PROX1: variants seen among roughly 807,000 people sequenced by gnomAD.
PROX1 encodes prospero homeobox protein 1.
A neutral mutation model predicts 58.8 loss-of-function variants in PROX1; 7 were observed. That is an observed-to-expected ratio of 0.12 (90% confidence interval 0.07 to 0.22). PROX1 has a LOEUF of 0.22. Among genes scored for constraint, PROX1 ranks in the 10% least tolerant of loss-of-function variants. The pLI, the probability that PROX1 is intolerant of heterozygous loss-of-function variation, is 1.00. For missense variants in PROX1, 675 were observed against 927.8 expected (o/e 0.73, Z 3.54); for synonymous variants, 350 against 358.3 (o/e 0.98, Z 0.26).
upstream of PROX1, chr1:213,987,949 A>G (rs1272836454): frequency 6.6e-6 from 1 of 151,308 alleles, no homozygotes; most frequent in East Asian, 2.0e-4. Context: ...CTTAAAGTAA[A>G]TCTTGTTGTG....
upstream of PROX1, chr1:213,985,362 G>T (rs1174235594): frequency 2.0e-5 from 3 of 152,344 alleles, no homozygotes; most frequent in Non-Finnish European, 4.4e-5. Context: ...AGCAAGAGAG[G>T]TTGCCAGGAG....
chr1:213,991,608 G>GA (rs961951018), intron 1 of PROX1, among the ~76,000 whole-genome samples: 16 of 151,752 alleles, frequency 1.1e-4, no homozygotes, highest in East Asian at 3.9e-4. Flanking sequence ...CACCTTGTGG[G>GA]AAAAAAAAGT....
chr1:214,015,703 C>T (rs757033503), intron 4 of PROX1, among the ~76,000 whole-genome samples: 6 of 151,936 alleles, frequency 3.9e-5, no homozygotes, highest in African/African-American at 9.7e-5. Context: ...TGTGCAGCTG[C>T]GAAAGGCAGA....
chr1:213,986,246 CG>C (rs2102670567), upstream of PROX1: 1 of 149,662 alleles, frequency 6.7e-6, no homozygotes, highest in South Asian at 2.2e-4. Flanking sequence ...GTGATAGACG[CG>C]TGGGGGGAGT....
chr1:214,013,316 T>C (rs1001655024), intron 4 of PROX1, among the ~76,000 whole-genome samples: 3 of 152,214 alleles, frequency 2.0e-5, no homozygotes, highest in Non-Finnish European at 4.4e-5. Context: ...AATATGATTA[T>C]GGCTAACCAT....
intron 2 of PROX1, among the ~76,000 whole-genome samples, chr1:214,000,822 C>T (rs1307659342): frequency 1.3e-5 from 2 of 152,110 alleles, no homozygotes; most frequent in African/African-American, 2.4e-5. Context: ...GTGTTCTTCC[C>T]TTGATTTAAC....
chr1:214,029,522 G>C (rs1290092109), intron 4 of PROX1: 1 of 152,150 alleles, frequency 6.6e-6, no homozygotes, highest in African/African-American at 2.4e-5. Flanking sequence ...AGTTTGACAA[G>C]GCAGCTCTTC....
chr1:213,990,361 G>A lies in PROX1; in HGVS notation c.-68+1878G>A, dbSNP rs550210098. Among the ~76,000 whole-genome samples, 6 of 140,186 alleles carry A rather than the reference G, an allele frequency of 4.3e-5. No individual in the cohort carries two copies. In the East Asian group the frequency reaches 1.0e-3, roughly 24 times the overall value. 92.0% of individuals were successfully genotyped at this position (140,186 alleles called of 152,430 possible). A position where few individuals can be genotyped will look rare whatever the true frequency, so the allele number is the denominator to read the frequency against. On this transcript the variant is annotated intron_variant, in intron 1 of 4. Coordinates refer to ENST00000366958, the MANE Select transcript of PROX1 (RefSeq NM_001270616.2). The stretch of plus-strand genomic sequence containing the variant: ...AGGTTTATGAATTTATGGTTGTCCT[G>A]GTTAATAGGATTGTCTGGGCTAATG...
rs1399209742 is a variant in PROX1, at chr1:213,988,266, C to CCCCTCT, written c.-275_-270dup. On this transcript the variant is annotated 5_prime_UTR_variant, in exon 1 of 5. Transcript: ENST00000366958. ...CTCCCCTCCCCTCCCGCCTCTCTCTCCCCTCTCCCTCTCCCACTCGCCCCG... is the reference window on the plus strand; with the variant it reads ...CTCCCCTCCCCTCCCGCCTCTCTCTCCCCTCTCCCTCTCCCTCTCCCACTCGCCCCG... 2 of 152,870 alleles carry CCCCTCT rather than the reference C, an allele frequency of 1.3e-5. No homozygotes were observed. The highest frequency in any genetic ancestry group is 2.4e-5 in the African/African-American group (1 of 41,356). The allele number at this position is 152,870 out of a possible 1,614,324, so 9.5% of individuals were successfully genotyped here. A position where few individuals can be genotyped will look rare whatever the true frequency, so the allele number is the denominator to read the frequency against.
chr1:214,015,237 G>A (rs1321070655), intron 4 of PROX1, among the ~76,000 whole-genome samples: 1 of 152,112 alleles, frequency 6.6e-6, no homozygotes, highest in Non-Finnish European at 1.5e-5. Context: ...TATCACACCG[G>A]GTGGGGTGTC....
intron 4 of PROX1, among the ~76,000 whole-genome samples, chr1:214,021,555 G>A (rs552372969): frequency 3.9e-5 from 6 of 152,306 alleles, no homozygotes; most frequent in Admixed American, 3.9e-4. Flanking sequence ...GCTGTAATGC[G>A]CTTCCAGCCT....
At chr1:213,995,075 A>C (rs1333084947) in intron 1 of PROX1, among the ~76,000 whole-genome samples, 1 of 152,090 alleles carries the variant, frequency 6.6e-6, no homozygotes, top group African/African-American at 2.4e-5. Context: ...AGGTGAACCG[A>C]AAGAGATGGG....
At chr1:213,989,561 G>C (rs1288358215) in intron 1 of PROX1, among the ~76,000 whole-genome samples, 1 of 151,810 alleles carries the variant, frequency 6.6e-6, no homozygotes, top group African/African-American at 2.4e-5. Context: ...AGAGGTGAGA[G>C]TAATTGTTAC....
intron 3 of PROX1, among the ~76,000 whole-genome samples, chr1:214,007,211 G>C (rs1030461349): frequency 6.6e-6 from 1 of 152,142 alleles, no homozygotes; most frequent in African/African-American, 2.4e-5. Context: ...CACTGACTCT[G>C]TGTAGATAAC....
intron 4 of PROX1, among the ~76,000 whole-genome samples, chr1:214,016,545 C>A (rs1408235224): frequency 6.6e-6 from 1 of 152,052 alleles, no homozygotes; most frequent in Admixed American, 6.5e-5. Context: ...TGGTGGGTGG[C>A]GAGGAGGAAA....
chr1:214,031,570 C>G lies in PROX1; in HGVS notation c.2029-4079C>G, dbSNP rs1035274130. ...TACCACCTGATGCTGAGGAGATACT[C>G]TAGGGTTCATTCTGCAGATTGTTGG... On this transcript the variant is annotated intron_variant, in intron 4 of 4. Transcript: ENST00000366958. Among the ~76,000 whole-genome samples the G allele has an allele frequency of 4.6e-5, 7 of 152,048 alleles. No individual in the cohort carries two copies. The East Asian group carries it at 1.2e-3, about 25-fold the overall frequency.
chr1:214,019,406 C>T (rs1229733857), intron 4 of PROX1, among the ~76,000 whole-genome samples: 1 of 152,242 alleles, frequency 6.6e-6, no homozygotes, highest in East Asian at 1.9e-4. Flanking sequence ...AAAACTCCTG[C>T]TGCCTCTTTT....
upstream of PROX1, among the ~76,000 whole-genome samples, chr1:213,983,536 C>T (rs1662750743): frequency 6.6e-6 from 1 of 152,242 alleles, no homozygotes; most frequent in Admixed American, 6.5e-5. Flanking sequence ...CACACTCACA[C>T]CCTCACCCCA....
rs548268660 is a variant in PROX1 at position 213,996,772 on chromosome 1, G to C, written c.237G>C (p.Ser79=). 5.6e-6 allele frequency: 9 copies of C among 1,614,186 alleles called. No individual in the cohort carries two copies. In the South Asian group the frequency reaches 8.8e-5, roughly 16 times the overall value. ...VLRKLLKRAN[S]YEDAMMPFPG... ...GCAAGCTGCTGAAGAGGGCGAACTCGTATGAAGATGCCATGATGCCTTTTC... is the reference window on the plus strand; with the variant it reads ...GCAAGCTGCTGAAGAGGGCGAACTCCTATGAAGATGCCATGATGCCTTTTC... Residue 79 remains serine (S), a synonymous_variant, in exon 2 of 5, where the codon TCG becomes TCC. Transcript: ENST00000366958.
Sources: gnomAD v4.1 joint callset for allele counts (sites outside exome capture counted in the v4.1 genomes callset) on GRCh38, gnomAD v4.1.1 for gene constraint, MANE v1.5 for transcripts, NCBI Gene and HGNC (gene_info 2026-07-23, HGNC 2026-07-21) for gene names.